The following TTC39C variants were observed in gnomAD, a reference collection of about 807,000 sequenced individuals.
TTC39C encodes the protein tetratricopeptide repeat protein 39C.
TTC39C carries 33 observed loss-of-function variants against 76.3 expected under a neutral mutation model. The ratio of observed to expected loss-of-function variants is 0.43; its 90% CI spans 0.33 to 0.58. The LOEUF is 0.58. Ranked by LOEUF, TTC39C falls within the 20% of genes least tolerant of loss-of-function variation. TTC39C has a pLI of 0.04. For missense variants in TTC39C, 595 were observed against 701.4 expected, an observed-to-expected ratio of 0.85 and a Z score of 1.71; for synonymous variants, 254 against 260.6, an observed-to-expected ratio of 0.97 and a Z score of 0.24.
chr18:24,091,104 G>A (rs2084511298), intron 6 of TTC39C, among the ~76,000 whole-genome samples: 2 of 152,210 alleles, frequency 1.3e-5, no homozygotes, highest in African/African-American at 4.8e-5. Flanking sequence ...GCCACGCCCG[G>A]CCTTATGATC....
At chr18:24,015,369 T>G in intron 1 of TTC39C, 1 of 209,364 alleles carries the variant, frequency 4.8e-6, no homozygotes, top group Non-Finnish European at 9.5e-6. Flanking sequence ...GCAGGGCAGC[T>G]GGCTTTGGGA....
At chr18:24,063,839 G>C (rs1366817881) in intron 1 of TTC39C, among the ~76,000 whole-genome samples, 1 of 152,090 alleles carries the variant, frequency 6.6e-6, no homozygotes, top group Admixed American at 6.6e-5. Context: ...TATATTTACT[G>C]TGTCAACTCT....
chr18:24,113,859 C>G (rs1302815814), intron 6 of TTC39C: 1 of 599,838 alleles, frequency 1.7e-6, no homozygotes. Context: ...TTTGCTGGGT[C>G]CCAGACAGTG....
chr18:24,012,239 T>C (rs1352761768), upstream of TTC39C, among the ~76,000 whole-genome samples: 1 of 152,218 alleles, frequency 6.6e-6, no homozygotes, highest in Admixed American at 6.5e-5. Context: ...CTAATGTAAC[T>C]GTTTTGGTAC....
At chr18:24,095,238 T>C (rs757083231) in intron 6 of TTC39C, among the ~76,000 whole-genome samples, 3 of 152,220 alleles carry the variant, frequency 2.0e-5, no homozygotes, top group Non-Finnish European at 4.4e-5. Context: ...CTTCAAAGAA[T>C]TGAAGAGAGT....
intron 7 of TTC39C, 83 bp from the exon 8 acceptor site, chr18:24,118,042 G>T: frequency 1.0e-6 from 1 of 1,002,716 alleles, no homozygotes; most frequent in Non-Finnish European, 1.4e-6. Context: ...GAGAATGATC[G>T]CCATATCAGA....
rs531699968 is a variant in TTC39C, at chr18:24,080,649, C to T, written c.525C>T (p.Asp175=). The change falls in exon 5 of 14, where the codon GAC becomes GAT. Residue 175 remains aspartate, a synonymous_variant. Coordinates refer to ENST00000317571, the MANE Select transcript of TTC39C (RefSeq NM_001135993.2). ...AGATTTACAATAAATGCTATCTGGACATCAATGCCCTTCAGGAGCTGTATC... is the reference window on the plus strand; with the variant it reads ...AGATTTACAATAAATGCTATCTGGATATCAATGCCCTTCAGGAGCTGTATC... ...AWKIYNKCYL[D]INALQELYQK... 154 of 1,613,940 alleles carry T rather than the reference C, an allele frequency of 9.5e-5. 1 individual carries two copies. The highest frequency in any genetic ancestry group is 1.3e-4 in the Non-Finnish European group (148 of 1,179,986).
At chr18:24,120,025 A>G (rs527292505) in intron 8 of TTC39C, among the ~76,000 whole-genome samples, 1 of 150,680 alleles carries the variant, frequency 6.6e-6, no homozygotes, top group South Asian at 2.2e-4. Flanking sequence ...ATAAGCATGA[A>G]AGATTCTGAT....
intron 9 of TTC39C, 80 bp from the exon 10 acceptor site, chr18:24,125,347 G>A: frequency 6.5e-7 from 1 of 1,549,720 alleles, no homozygotes; most frequent in South Asian, 1.1e-5. Flanking sequence ...TGAACTGTGT[G>A]CTTTTAAAGT....
intron 10 of TTC39C, among the ~76,000 whole-genome samples, chr18:24,126,120 G>A (rs901512442): frequency 4.6e-5 from 7 of 152,150 alleles, no homozygotes; most frequent in South Asian, 4.1e-4. Context: ...CCAGGATATC[G>A]AGGCTGCAGT....
intron 1 of TTC39C, chr18:24,022,532 C>T (rs1024655172): frequency 1.0e-6 from 1 of 984,680 alleles, no homozygotes; most frequent in African/African-American, 1.7e-5. Context: ...CTATCTACCT[C>T]TCTTACAGAA....
chr18:24,086,085 T>C (rs2084435967), intron 6 of TTC39C, among the ~76,000 whole-genome samples: 1 of 152,212 alleles, frequency 6.6e-6, no homozygotes, highest in East Asian at 1.9e-4. Flanking sequence ...TTATGAAACT[T>C]ACATGACTCC....
chr18:24,027,420 T>C (rs2083612217), intron 1 of TTC39C, among the ~76,000 whole-genome samples: 2 of 152,218 alleles, frequency 1.3e-5, no homozygotes, highest in Admixed American at 1.3e-4. Context: ...TCTCAAGTTA[T>C]GTGTTGGCAA....
chr18:24,069,203 G>A lies in TTC39C; in HGVS notation c.392G>A (p.Arg131Lys). Residue 131 changes from arginine (R) to lysine (K), a missense_variant, in exon 4 of 14, where the codon AGG becomes AAG. Arg to Lys is a conservative substitution (Grantham distance 26). Coordinates refer to ENST00000317571, the MANE Select transcript of TTC39C (RefSeq NM_001135993.2). ...SAPSMVDRLQ[R>K]QIIIADCQVY... is the part of the protein sequence containing the mutation. ...CCCTCTATGGTTGATCGGCTTCAGA[G>A]GCAGATAATCATAGCTGACTGCCAG... 1.2e-6 allele frequency: 2 copies of A among 1,614,116 alleles called. No individual in the cohort carries two copies. Among genetic ancestry groups the A allele is most frequent in the Non-Finnish European group, 8.5e-7 (1 of 1,179,970 alleles).
upstream of TTC39C, chr18:24,014,660 G>C: frequency 1.7e-6 from 1 of 579,426 alleles, no homozygotes; most frequent in Non-Finnish European, 2.4e-6. Flanking sequence ...GGCGGCGGCC[G>C]GACGCCCACC....
chr18:24,131,798 A>C, intron 12 of TTC39C, 84 bp from the exon 13 acceptor site: 1 of 1,148,956 alleles, frequency 8.7e-7, no homozygotes, highest in East Asian at 2.4e-5. Context: ...GAATTGTTTT[A>C]ATTAACATAG....
chr18:24,012,883 ACAC>A (rs2083404489), upstream of TTC39C: 1 of 133,576 alleles, frequency 7.5e-6, no homozygotes, highest in African/African-American at 2.7e-5. Context: ...ACACACACAC[ACAC>A]GCATAAATTT....
intron 1 of TTC39C, among the ~76,000 whole-genome samples, chr18:24,017,503 C>G (rs1475881112): frequency 6.6e-6 from 1 of 152,220 alleles, no homozygotes; most frequent in Non-Finnish European, 1.5e-5. Flanking sequence ...GTGGTGCCTT[C>G]CCCGCTAGTA....
At chr18:24,047,685 A>G (rs539864569) in intron 1 of TTC39C, among the ~76,000 whole-genome samples, 3 of 152,344 alleles carry the variant, frequency 2.0e-5, no homozygotes, top group African/African-American at 7.2e-5. Flanking sequence ...TAACAACAGC[A>G]AAACCAACCA....
Sources: gnomAD v4.1 joint callset for allele counts (sites outside exome capture counted in the v4.1 genomes callset) on GRCh38, gnomAD v4.1.1 for gene constraint, MANE v1.5 for transcripts, NCBI Gene and HGNC (gene_info 2026-07-23, HGNC 2026-07-21) for gene names.